The following GLI2 variants were observed in gnomAD, a reference collection of about 807,000 sequenced individuals.
GLI2 encodes GLI family zinc finger 2.
Under a neutral mutation model 78.9 loss-of-function variants are expected in GLI2, and 22 were observed. The ratio of observed to expected loss-of-function variants is 0.28; its 90% CI spans 0.20 to 0.40. The LOEUF (loss-of-function observed/expected upper bound fraction) is 0.40, where lower values mean the gene tolerates loss of function less well. Among genes scored for constraint, GLI2 ranks in the 10% least tolerant of loss-of-function variants. The probability of loss-of-function intolerance (pLI) is 1.00; values close to 1 mark genes in which losing one functional copy is unlikely to be tolerated. For synonymous variants in GLI2, 974 were observed against 963.7 expected, an observed-to-expected ratio of 1.01 and a Z score of -0.20; for missense variants, 2,097 against 2,213.2, an observed-to-expected ratio of 0.95 and a Z score of 1.05.
In GLI2 at chr2:120,989,706, C is replaced by A. The variant is rs201958776; in HGVS notation, c.3741C>A (p.Asn1247Lys). 6.2e-7 allele frequency: 1 copy of A among 1,613,280 alleles called. No individual in the cohort carries two copies. The highest frequency in any genetic ancestry group is 2.2e-5 in the East Asian group (1 of 44,878). ...CCAGCACCATCAGTGGGGCCCTCAA[C>A]CAGTTCCCCCAATCCTGCAGCAACA... ...LSPSTISGAL[N>K]QFPQSCSNMP... Residue 1247 changes from asparagine (N) to lysine (K), a missense_variant, in exon 14 of 14, where the codon AAC becomes AAA. Physicochemically the swap from Asn to Lys is moderately conservative, Grantham distance 94. Coordinates refer to ENST00000361492, the MANE Select transcript of GLI2 (RefSeq NM_001374353.1).
At chr2:120,941,316 A>G (rs75687047) in intron 3 of GLI2, among the ~76,000 whole-genome samples, 3,872 of 152,336 alleles carry the variant, frequency 0.025, 181 homozygotes, top group African/African-American at 0.087. Context: ...AGAACTTTTT[A>G]AAACAAATGT....
intron 2 of GLI2, among the ~76,000 whole-genome samples, chr2:120,919,066 T>C (rs1173106629): frequency 6.6e-6 from 1 of 152,230 alleles, no homozygotes. Context: ...GCGCCTTCTT[T>C]TGCCAAAGAT....
intron 2 of GLI2, among the ~76,000 whole-genome samples, chr2:120,924,053 TGGTCTGG>T (rs1679538565): frequency 6.6e-6 from 1 of 152,012 alleles, no homozygotes; most frequent in Non-Finnish European, 1.5e-5. Context: ...TAGGGTGGGG[TGGTCTGG>T]GCTCTGATGG....
At chr2:120,892,705 T>C (rs1271155663) in intron 2 of GLI2, among the ~76,000 whole-genome samples, 1 of 152,224 alleles carries the variant, frequency 6.6e-6, no homozygotes, top group Non-Finnish European at 1.5e-5. Context: ...AGAACTGGTG[T>C]GTAAATACCC....
At chr2:120,938,974 A>G (rs933077548) in intron 3 of GLI2, among the ~76,000 whole-genome samples, 23 of 152,204 alleles carry the variant, frequency 1.5e-4, no homozygotes, top group African/African-American at 2.4e-4. Flanking sequence ...TTGATTATTG[A>G]AAACATGCAA....
intron 2 of GLI2, 88 bp from the exon 3 acceptor site, chr2:120,927,273 A>C: frequency 4.1e-6 from 4 of 965,908 alleles, no homozygotes; most frequent in Non-Finnish European, 6.8e-6. Flanking sequence ...TTGCTATGAA[A>C]TTCATTGAGC....
At chr2:120,884,494 G>T (rs1464865786) in intron 2 of GLI2, among the ~76,000 whole-genome samples, 2 of 152,336 alleles carry the variant, frequency 1.3e-5, no homozygotes, top group East Asian at 1.9e-4. Context: ...TGAGCCGTGT[G>T]TGGATTTAAT....
At chr2:120,827,433 C>T (rs1383705516) in intron 2 of GLI2, among the ~76,000 whole-genome samples, 1 of 152,202 alleles carries the variant, frequency 6.6e-6, no homozygotes, top group Non-Finnish European at 1.5e-5. Context: ...TTGTGCACTG[C>T]TGGTGGGAAT....
At chr2:120,914,314 G>A (rs564640599) in intron 2 of GLI2, among the ~76,000 whole-genome samples, 1 of 152,326 alleles carries the variant, frequency 6.6e-6, no homozygotes, top group African/African-American at 2.4e-5. Flanking sequence ...CAGGTGGAAG[G>A]AGCACTAGGG....
intron 2 of GLI2, among the ~76,000 whole-genome samples, chr2:120,886,150 T>G (rs1398536986): frequency 1.4e-5 from 2 of 147,956 alleles, no homozygotes; most frequent in Non-Finnish European, 3.0e-5. Context: ...CCTATTCTAA[T>G]TTTTCCAAAG....
intron 1 of GLI2, among the ~76,000 whole-genome samples, chr2:120,792,036 G>A (rs142048594): frequency 2.0e-5 from 3 of 152,338 alleles, no homozygotes; most frequent in Admixed American, 1.3e-4. Context: ...TGTGGTGGCT[G>A]TGACTGCTGA....
intron 2 of GLI2, among the ~76,000 whole-genome samples, chr2:120,820,430 C>T (rs935432960): frequency 6.6e-6 from 1 of 152,204 alleles, no homozygotes; most frequent in South Asian, 2.1e-4. Context: ...CATTAGTTCC[C>T]CCCTCTCCAG....
chr2:120,989,510 A>G lies in GLI2; in HGVS notation c.3545A>G (p.Asp1182Gly). 9 of 1,612,084 alleles carry G rather than the reference A, an allele frequency of 5.6e-6. No individual in the cohort carries two copies. Among genetic ancestry groups the G allele is most frequent in the Non-Finnish European group, 7.6e-6 (9 of 1,179,666 alleles). ...QGLQASPGGL[D>G]STQPHLQPRS... ...CTACAGGCTAGCCCTGGGGGCCTGG[A>G]CAGCACGCAGCCACACCTGCAGCCC... is the stretch of plus-strand genomic sequence containing the variant. Residue 1182 changes from aspartate (D) to glycine (G), a missense_variant, in exon 14 of 14, where the codon GAC (aspartate) becomes GGC (glycine). Coordinates refer to ENST00000361492, the MANE Select transcript of GLI2 (RefSeq NM_001374353.1).
chr2:120,879,501 C>T (rs1263671326), intron 2 of GLI2, among the ~76,000 whole-genome samples: 1 of 152,204 alleles, frequency 6.6e-6, no homozygotes, highest in Non-Finnish European at 1.5e-5. Context: ...GCAGTAGTTC[C>T]TCACCCGTGC....
intron 5 of GLI2, among the ~76,000 whole-genome samples, chr2:120,959,563 C>T (rs1187947843): frequency 6.6e-6 from 1 of 152,244 alleles, no homozygotes; most frequent in Non-Finnish European, 1.5e-5. Context: ...CGCACTTCCA[C>T]TTAGCTCCGA....
At chr2:120,869,216 C>A (rs184661678) in intron 2 of GLI2, among the ~76,000 whole-genome samples, 1 of 152,300 alleles carries the variant, frequency 6.6e-6, no homozygotes, top group African/African-American at 2.4e-5. Context: ...GCACACTTCC[C>A]TAGCCAGTCC....
At chr2:120,946,133 T>C (rs532542205) in intron 3 of GLI2, among the ~76,000 whole-genome samples, 10 of 152,184 alleles carry the variant, frequency 6.6e-5, no homozygotes. Flanking sequence ...CAGGCAGAGT[T>C]AGAGAATCAC....
At chr2:120,736,483 C>G (rs114794056) in intron 1 of GLI2, among the ~76,000 whole-genome samples, 198 bp downstream of exon 1, 1 of 151,900 alleles carries the variant, frequency 6.6e-6, no homozygotes, top group Admixed American at 6.5e-5. Context: ...GGGCTCTGGA[C>G]GAGCAGGGCG....
rs567922666 is a variant in GLI2, at chr2:120,826,041, C to T, written c.148+28573C>T. Among the ~76,000 whole-genome samples, 11 of 151,814 alleles carry T rather than the reference C, an allele frequency of 7.2e-5. No homozygotes were observed. In the East Asian group the frequency reaches 7.8e-4, roughly 11 times the overall value. On this transcript the variant is annotated intron_variant, in intron 2 of 13. Transcript: ENST00000361492. ...GGCACGATGGGAGGCTGCCTGGTGA[C>T]GGCCGCCTTTGTTATGACAGAGCAG...
Sources: allele counts gnomAD v4.1 joint callset (sites outside exome capture counted in the v4.1 genomes callset), GRCh38; gene constraint gnomAD v4.1.1; transcripts MANE v1.5; gene names NCBI Gene and HGNC (gene_info 2026-07-23, HGNC 2026-07-21).